ZBTB20: variants seen among roughly 807,000 people sequenced by gnomAD.
ZBTB20 encodes the protein zinc finger and BTB domain containing 20.
A neutral mutation model predicts 56.9 loss-of-function variants in ZBTB20; 9 were observed. The observed-to-expected ratio is 0.16, with a 90% CI of 0.10 to 0.28. ZBTB20 has a LOEUF of 0.28. Ranked by LOEUF, ZBTB20 falls within the 10% of genes least tolerant of loss-of-function variation. ZBTB20 has a pLI of 1.00. For synonymous variants in ZBTB20, 417 were observed against 420.7 expected (o/e 0.99, Z 0.11); for missense variants, 655 against 1,003.0 (o/e 0.65, Z 4.69).
chr3:114,386,195 T>C (rs1034529231), intron 8 of ZBTB20, among the ~76,000 whole-genome samples: 1 of 152,222 alleles, frequency 6.6e-6, no homozygotes, highest in Non-Finnish European at 1.5e-5. Context: ...TTGCAATTTA[T>C]CATTTCTCTA....
At chr3:115,144,754 T>C (rs1160925764) in intron 1 of ZBTB20, 1 of 152,218 alleles carries the variant, frequency 6.6e-6, no homozygotes, top group Non-Finnish European at 1.5e-5. Context: ...TGGAAATGGA[T>C]AAAATTTGAC....
intron 7 of ZBTB20, among the ~76,000 whole-genome samples, chr3:114,426,540 CA>C (rs1303401170): frequency 4.0e-5 from 6 of 148,920 alleles, no homozygotes; most frequent in Non-Finnish European, 9.0e-5. Flanking sequence ...CATCCGGTGC[CA>C]CTAAGGCCCA....
At chr3:114,940,116 T>C (rs1324540554) in intron 3 of ZBTB20, among the ~76,000 whole-genome samples, 1 of 146,054 alleles carries the variant, frequency 6.8e-6, no homozygotes, top group Non-Finnish European at 1.5e-5. Flanking sequence ...GATTAAACAG[T>C]TTGAGAGTCA....
At chr3:114,989,925 A>G (rs544383118) in intron 2 of ZBTB20, among the ~76,000 whole-genome samples, 1 of 152,262 alleles carries the variant, frequency 6.6e-6, no homozygotes, top group South Asian at 2.1e-4. Flanking sequence ...GTGTATAAGA[A>G]TGTTCGTGAT....
chr3:115,030,542 T>C (rs2080625510), intron 2 of ZBTB20, among the ~76,000 whole-genome samples: 8 of 151,192 alleles, frequency 5.3e-5, no homozygotes, highest in Admixed American at 5.3e-4. Flanking sequence ...GAATTATTGC[T>C]AAAATGTCTT....
At chr3:114,438,416 C>A (rs1334972948) in intron 7 of ZBTB20, among the ~76,000 whole-genome samples, 237 of 120,124 alleles carry the variant, frequency 2.0e-3, no homozygotes, top group Middle Eastern at 4.4e-3. Context: ...CACTCCTTGC[C>A]AAAAAAAAAC....
intron 2 of ZBTB20, among the ~76,000 whole-genome samples, chr3:115,003,112 T>C (rs997349785): frequency 2.6e-5 from 4 of 151,534 alleles, no homozygotes; most frequent in African/African-American, 9.7e-5. Context: ...GGCAAAACTA[T>C]AGATACCGTA....
chr3:115,128,757 G>A (rs1218626807), intron 1 of ZBTB20, among the ~76,000 whole-genome samples: 5 of 128,590 alleles, frequency 3.9e-5, no homozygotes, highest in Non-Finnish European at 8.4e-5. Context: ...GAGGGGAGGG[G>A]AGGGAAGGGA....
At chr3:114,997,126 A>C (rs1444629004) in intron 2 of ZBTB20, among the ~76,000 whole-genome samples, 1 of 151,898 alleles carries the variant, frequency 6.6e-6, no homozygotes, top group Admixed American at 6.6e-5. Flanking sequence ...AGTTGAGGCA[A>C]CTAGAGAGGT....
intron 7 of ZBTB20, among the ~76,000 whole-genome samples, chr3:114,467,497 C>A (rs775370717): frequency 7.2e-5 from 11 of 152,112 alleles, no homozygotes; most frequent in Admixed American, 2.6e-4. Flanking sequence ...TCAAAACAAT[C>A]AAATCATAAA....
chr3:114,992,336 T>C (rs1301137578), intron 2 of ZBTB20, among the ~76,000 whole-genome samples: 1 of 151,974 alleles, frequency 6.6e-6, no homozygotes, highest in Non-Finnish European at 1.5e-5. Flanking sequence ...CTATAAGCAA[T>C]CATAAAGATT....
chr3:114,762,675 G>C (rs1560220592), intron 5 of ZBTB20, among the ~76,000 whole-genome samples: 1 of 152,162 alleles, frequency 6.6e-6, no homozygotes, highest in Non-Finnish European at 1.5e-5. Flanking sequence ...GAGTTAATGA[G>C]CATCCGTCTG....
intron 7 of ZBTB20, among the ~76,000 whole-genome samples, chr3:114,467,855 C>T (rs1429829775): frequency 6.6e-6 from 1 of 152,172 alleles, no homozygotes; most frequent in East Asian, 1.9e-4. Flanking sequence ...TATTTTTGAG[C>T]ATTTCCTAAC....
At chr3:114,823,183 A>G (rs1025161915) in intron 4 of ZBTB20, among the ~76,000 whole-genome samples, 3 of 152,068 alleles carry the variant, frequency 2.0e-5, no homozygotes, top group African/African-American at 7.2e-5. Flanking sequence ...CCACTGATTA[A>G]CACAGAGAAT....
At chr3:114,350,041 CT>C (rs1476318909) in intron 11 of ZBTB20, among the ~76,000 whole-genome samples, 4 of 152,068 alleles carry the variant, frequency 2.6e-5, no homozygotes, top group Non-Finnish European at 5.9e-5. Context: ...CTGGACATCC[CT>C]AGGACATCCC....
intron 5 of ZBTB20, among the ~76,000 whole-genome samples, chr3:114,797,742 G>A (rs1218129319): frequency 2.0e-5 from 3 of 151,944 alleles, no homozygotes; most frequent in South Asian, 4.1e-4. Context: ...ACCATGTCTC[G>A]ATTCCTCCTT....
At chr3:114,917,541 T>C (rs1178921497) in intron 3 of ZBTB20, among the ~76,000 whole-genome samples, 2 of 152,166 alleles carry the variant, frequency 1.3e-5, no homozygotes, top group Non-Finnish European at 2.9e-5. Flanking sequence ...GACTTGTTTA[T>C]TGTGACTAAA....
intron 7 of ZBTB20, among the ~76,000 whole-genome samples, chr3:114,434,917 T>C (rs1173363873): frequency 1.3e-5 from 2 of 152,144 alleles, no homozygotes; most frequent in Non-Finnish European, 2.9e-5. Context: ...AAGTGAGGTG[T>C]AGTAGGACAC....
chr3:114,902,248 T>C (rs551376706), intron 3 of ZBTB20, among the ~76,000 whole-genome samples: 1 of 152,320 alleles, frequency 6.6e-6, no homozygotes, highest in Non-Finnish European at 1.5e-5. Flanking sequence ...AAGAATAATT[T>C]AGGACTTCAA....
Sources: gnomAD v4.1 joint callset for allele counts (sites outside exome capture counted in the v4.1 genomes callset) on GRCh38, gnomAD v4.1.1 for gene constraint, MANE v1.5 for transcripts, NCBI Gene and HGNC (gene_info 2026-07-23, HGNC 2026-07-21) for gene names.